The following PIK3R4 variants were observed in gnomAD, a reference collection of about 807,000 sequenced individuals.
PIK3R4 encodes the protein phosphoinositide 3-kinase regulatory subunit 4.
In PIK3R4, 46 loss-of-function variants were observed where a neutral mutation model predicts 136.5. That is an observed-to-expected ratio of 0.34 (90% confidence interval 0.27 to 0.43). The LOEUF (loss-of-function observed/expected upper bound fraction) is 0.43, where lower values mean the gene tolerates loss of function less well. Among genes scored for constraint, PIK3R4 ranks in the 20% least tolerant of loss-of-function variants. PIK3R4 has a pLI of 1.00. For synonymous variants in PIK3R4, 557 were observed against 566.7 expected (o/e 0.98, Z 0.24); for missense variants, 1,331 against 1,649.5 (o/e 0.81, Z 3.35).
intron 13 of PIK3R4, among the ~76,000 whole-genome samples, chr3:130,701,736 CAAG>C (rs2066576093): frequency 6.6e-6 from 1 of 151,666 alleles, no homozygotes; most frequent in African/African-American, 2.4e-5. Context: ...AATTTTATAT[CAAG>C]AAGAAAAAAG....
intron 5 of PIK3R4, among the ~76,000 whole-genome samples, chr3:130,729,504 A>C (rs985546766): frequency 1.3e-5 from 2 of 152,200 alleles, no homozygotes; most frequent in Admixed American, 6.5e-5. Context: ...TTACCATTTA[A>C]CTTTATTATC....
At chr3:130,721,463 C>A (rs1390790194) in intron 7 of PIK3R4, among the ~76,000 whole-genome samples, 1 of 152,044 alleles carries the variant, frequency 6.6e-6, no homozygotes, top group Non-Finnish European at 1.5e-5. Context: ...TTCACTGCAG[C>A]ATTATTCACA....
chr3:130,680,761 C>G, intron 18 of PIK3R4, 40 bp from the exon 19 acceptor site: 1 of 1,240,282 alleles, frequency 8.1e-7, no homozygotes, highest in Non-Finnish European at 1.2e-6. Flanking sequence ...CTCTTCAGGA[C>G]AATGGGAGGA....
At chr3:130,680,760 A>T (rs562849803) in intron 18 of PIK3R4, 39 bp from the exon 19 acceptor site, 3 of 1,247,764 alleles carry the variant, frequency 2.4e-6, no homozygotes, top group Non-Finnish European at 3.5e-6. Context: ...TCTCTTCAGG[A>T]CAATGGGAGG....
rs370277946 is a variant in PIK3R4, at chr3:130,705,639, G to A, written c.2854C>T (p.Arg952Trp). Residue 952 changes from arginine to tryptophan, a missense_variant, in exon 12 of 20, where the codon CGG (arginine) becomes TGG (tryptophan). Physicochemically the swap from Arg to Trp is moderately radical, Grantham distance 101. Transcript: ENST00000356763. Reference sequence around the variant, plus strand: ...ATTCTCTCAGCATTGCACTGCTCCCGCTTTTGCTGGATGAGTTGCTGAAGT... The same window carrying A: ...ATTCTCTCAGCATTGCACTGCTCCCACTTTTGCTGGATGAGTTGCTGAAGT... Reference protein sequence around the residue: ...TELQQLIQQKREQCNAERIAK... With the variant: ...TELQQLIQQKWEQCNAERIAK... The A allele has an allele frequency of 6.8e-6, 11 of 1,613,382 alleles. No individual in the cohort carries two copies. The highest frequency in any genetic ancestry group is 4.5e-5 in the East Asian group (2 of 44,874).
At chr3:130,692,611 T>A (rs922486642) in intron 13 of PIK3R4, among the ~76,000 whole-genome samples, 2 of 152,266 alleles carry the variant, frequency 1.3e-5, no homozygotes, top group African/African-American at 2.4e-5. Flanking sequence ...CTGATAAACA[T>A]GTGAGTCATT....
Position 130,733,618 on chromosome 3 carries a change from C to T in PIK3R4, c.1380G>A (p.Pro460=), listed in dbSNP as rs945671030. The T allele has an allele frequency of 2.5e-6, 4 of 1,614,004 alleles. No homozygotes were observed. Among genetic ancestry groups the T allele is most frequent in the Non-Finnish European group, 1.7e-6 (2 of 1,179,904 alleles). Residue 460 remains proline (P), a synonymous_variant, in exon 4 of 20, where the codon CCG becomes CCA. Transcript: ENST00000356763. ...EVPRNDINIY[P]EYILPGIAHL... ...GGGCTATGCCTGGCAGAATGTATTC[C>T]GGATAAATATTGATATCATTACGAG...
At chr3:130,716,036 T>A (rs953064081) in intron 9 of PIK3R4, among the ~76,000 whole-genome samples, 3 of 152,240 alleles carry the variant, frequency 2.0e-5, no homozygotes, top group Non-Finnish European at 4.4e-5. Context: ...TGTTTTGCAA[T>A]GTTTCTTCCA....
At chr3:130,680,931 C>T (rs1239352298) in intron 18 of PIK3R4, 46 bp downstream of exon 18, 2 of 975,906 alleles carry the variant, frequency 2.0e-6, no homozygotes, top group South Asian at 3.0e-5. Context: ...TCTATAATAA[C>T]AGCTTGTAAA....
chr3:130,712,767 C>T (rs2066639461), intron 9 of PIK3R4, among the ~76,000 whole-genome samples: 1 of 151,982 alleles, frequency 6.6e-6, no homozygotes, highest in Admixed American at 6.6e-5. Context: ...ACTCAGGTAG[C>T]ACAGGGACCA....
At chr3:130,739,901 A>C (rs1201893385) in intron 2 of PIK3R4, among the ~76,000 whole-genome samples, 2 of 152,210 alleles carry the variant, frequency 1.3e-5, no homozygotes, top group African/African-American at 4.8e-5. Flanking sequence ...GAAACATTAG[A>C]CAAACTCAAA....
intron 4 of PIK3R4, among the ~76,000 whole-genome samples, chr3:130,731,240 T>C (rs1383702307): frequency 1.3e-5 from 2 of 152,226 alleles, no homozygotes; most frequent in African/African-American, 4.8e-5. Flanking sequence ...GACTGTACTC[T>C]TTTCCTTCTT....
At chr3:130,702,654 T>C (rs375233828) in intron 13 of PIK3R4, among the ~76,000 whole-genome samples, 30 of 152,084 alleles carry the variant, frequency 2.0e-4, no homozygotes, top group African/African-American at 6.3e-4. Context: ...AAAGAACAAA[T>C]AAGAATATGG....
At chr3:130,722,445 T>A (rs1187357859) in intron 7 of PIK3R4, among the ~76,000 whole-genome samples, 1 of 152,148 alleles carries the variant, frequency 6.6e-6, no homozygotes, top group Admixed American at 6.5e-5. Flanking sequence ...AAAAAACTAT[T>A]TTCATGATGA....
intron 13 of PIK3R4, among the ~76,000 whole-genome samples, chr3:130,697,149 A>C (rs1424446398): frequency 2.3e-5 from 3 of 131,818 alleles, no homozygotes; most frequent in Non-Finnish European, 4.6e-5. Flanking sequence ...AGCTCAGTGC[A>C]ACCCCCACCT....
At chr3:130,683,878 G>C (rs558001609) in intron 16 of PIK3R4, among the ~76,000 whole-genome samples, 4 of 152,064 alleles carry the variant, frequency 2.6e-5, no homozygotes, top group African/African-American at 7.2e-5. Context: ...GAAGGGAAGG[G>C]AAGCTTTCAA....
Position 130,733,836 on chromosome 3 carries a change from T to A in PIK3R4, c.1162A>T (p.Thr388Ser). 1.2e-6 allele frequency: 2 copies of A among 1,614,174 alleles called. No homozygotes were observed. Among genetic ancestry groups the A allele is most frequent in the Non-Finnish European group, 1.7e-6 (2 of 1,180,020 alleles). Residue 388 changes from threonine (T) to serine (S), a missense_variant, in exon 4 of 20, where the codon ACC (threonine) becomes TCC (serine). This residue lies in a region of PIK3R4 where 1,180 missense variants were observed against 1,407.0 expected (regional missense o/e 0.84). Transcript: ENST00000356763. ...LVSVITSCLQ[T>S]LKYCDSKLAA... ...AGTTTGGAATCACAGTATTTAAGGG[T>A]CTGTAGGCAGGATGTTATAACAGAT...
intron 7 of PIK3R4, among the ~76,000 whole-genome samples, chr3:130,721,088 C>A (rs981866771): frequency 4.6e-5 from 7 of 151,838 alleles, no homozygotes; most frequent in African/African-American, 1.7e-4. Context: ...GTAATCCCAG[C>A]ACTTTGGGAG....
At position 130,728,754 on chromosome 3, in the gene PIK3R4, C is replaced by T. The variant is rs140460766; in HGVS notation, c.1586-70G>A. On this transcript the variant is annotated intron_variant, in intron 5 of 19. Coordinates refer to ENST00000356763, the MANE Select transcript of PIK3R4 (RefSeq NM_014602.3). ...AGTTAAGAAAAGATCAATTTTTCCC[C>T]ATACAGATAGTCCCAGTCTTCTTTC... 116 of 1,069,664 alleles carry T rather than the reference C, an allele frequency of 1.1e-4. 2 individuals carry two copies. The African/African-American group carries it at 1.6e-3, about 15-fold the overall frequency. 66.3% of individuals were successfully genotyped at this position (1,069,664 alleles called of 1,614,324 possible).
Sources: allele counts gnomAD v4.1 joint callset (sites outside exome capture counted in the v4.1 genomes callset), GRCh38; gene constraint gnomAD v4.1.1; regional missense constraint gnomAD v4.1.1; transcripts MANE v1.5; gene names NCBI Gene and HGNC (gene_info 2026-07-23, HGNC 2026-07-21).